The following PLCB4 variants were observed in gnomAD, a reference collection of about 807,000 sequenced individuals.
The protein encoded by PLCB4 is phospholipase C beta 4.
Under a neutral mutation model 178.8 loss-of-function variants are expected in PLCB4, and 77 were observed. The observed-to-expected ratio is 0.43, with a 90% CI of 0.36 to 0.52. PLCB4 has a LOEUF of 0.52. Among genes scored for constraint, PLCB4 ranks in the 20% least tolerant of loss-of-function variants. The probability of loss-of-function intolerance (pLI) is 0.00; values close to 1 mark genes in which losing one functional copy is unlikely to be tolerated. For missense variants in PLCB4, 1,024 were observed against 1,453.4 expected, an observed-to-expected ratio of 0.70 and a Z score of 4.80; for synonymous variants, 496 against 490.8, an observed-to-expected ratio of 1.01 and a Z score of -0.14.
chr20:9,218,857 G>A (rs1237569124), intron 3 of PLCB4, among the ~76,000 whole-genome samples: 3 of 152,188 alleles, frequency 2.0e-5, no homozygotes, highest in African/African-American at 7.2e-5. Flanking sequence ...AGAGGAGTTG[G>A]GGAGTAGGAG....
intron 34 of PLCB4, among the ~76,000 whole-genome samples, chr20:9,458,463 G>T (rs2072783915): frequency 6.6e-6 from 1 of 152,236 alleles, no homozygotes; most frequent in East Asian, 1.9e-4. Flanking sequence ...CTGTGTCAAA[G>T]AAGAGCACAT....
chr20:9,324,000 A>G (rs1056574743), intron 4 of PLCB4, among the ~76,000 whole-genome samples: 4 of 152,038 alleles, frequency 2.6e-5, no homozygotes, highest in African/African-American at 9.7e-5. Flanking sequence ...TCTCTTTCAC[A>G]GGCATTTGCC....
At chr20:9,169,929 A>C (rs2093036492) in intron 2 of PLCB4, among the ~76,000 whole-genome samples, 1 of 152,180 alleles carries the variant, frequency 6.6e-6, no homozygotes, top group Admixed American at 6.5e-5. Flanking sequence ...CTGCAGGCAT[A>C]GTTTGTATAT....
intron 2 of PLCB4, among the ~76,000 whole-genome samples, chr20:9,179,510 C>A (rs935932549): frequency 1.3e-5 from 2 of 152,192 alleles, no homozygotes; most frequent in Non-Finnish European, 2.9e-5. Context: ...ATCCATGCTG[C>A]ATTTCTGATC....
At chr20:9,428,754 G>T (rs1346130562) in intron 28 of PLCB4, among the ~76,000 whole-genome samples, 1 of 152,126 alleles carries the variant, frequency 6.6e-6, no homozygotes, top group Non-Finnish European at 1.5e-5. Context: ...CCAGGAGTGA[G>T]CACATAGGGG....
intron 3 of PLCB4, among the ~76,000 whole-genome samples, chr20:9,276,547 G>A (rs2094452142): frequency 6.6e-6 from 1 of 152,046 alleles, no homozygotes; most frequent in African/African-American, 2.4e-5. Flanking sequence ...CTTTGTGAGA[G>A]GGGGTTATTT....
chr20:9,178,700 C>T (rs1004074854), intron 2 of PLCB4, among the ~76,000 whole-genome samples: 8 of 151,664 alleles, frequency 5.3e-5, no homozygotes, highest in African/African-American at 1.9e-4. Context: ...CATTATTTCA[C>T]CCTTAGGGGC....
intron 3 of PLCB4, among the ~76,000 whole-genome samples, chr20:9,270,325 G>T (rs2094390750): frequency 6.6e-6 from 1 of 152,144 alleles, no homozygotes; most frequent in East Asian, 1.9e-4. Context: ...TCTGTTGTTT[G>T]TCTGTATTCC....
chr20:9,152,376 C>CCCAGTGTCCCT (rs2092706138), intron 2 of PLCB4, among the ~76,000 whole-genome samples: 1 of 151,894 alleles, frequency 6.6e-6, no homozygotes, highest in Non-Finnish European at 1.5e-5. Flanking sequence ...TTTCATGGGC[C>CCCAGTGTCCCT]GGGCCCAGTG....
At chr20:9,175,892 A>T (rs2093146627) in intron 2 of PLCB4, among the ~76,000 whole-genome samples, 1 of 152,146 alleles carries the variant, frequency 6.6e-6, no homozygotes, top group Admixed American at 6.5e-5. Context: ...AATGATATGG[A>T]TCCATCTTTA....
intron 2 of PLCB4, among the ~76,000 whole-genome samples, chr20:9,112,684 C>T (rs1350392682): frequency 6.6e-6 from 1 of 152,130 alleles, no homozygotes; most frequent in Non-Finnish European, 1.5e-5. Context: ...CTTATCTGGG[C>T]TAGGCCTGGA....
intron 2 of PLCB4, among the ~76,000 whole-genome samples, chr20:9,120,549 A>T (rs928142643): frequency 3.3e-5 from 5 of 151,886 alleles, no homozygotes; most frequent in Non-Finnish European, 7.4e-5. Context: ...TAGTTCCAAA[A>T]TCTCTCCCAT....
intron 4 of PLCB4, among the ~76,000 whole-genome samples, chr20:9,311,508 C>G (rs973226529): frequency 1.3e-5 from 2 of 151,992 alleles, no homozygotes; most frequent in African/African-American, 4.8e-5. Context: ...TCTTCTTTGT[C>G]CCTCTCCTCC....
chr20:9,227,168 A>G (rs1270584631), intron 3 of PLCB4, among the ~76,000 whole-genome samples: 2 of 147,944 alleles, frequency 1.4e-5, no homozygotes, highest in Non-Finnish European at 3.0e-5. Context: ...TGTTGAATTC[A>G]TTGTAAGACT....
chr20:9,261,953 C>A (rs2094301741), intron 3 of PLCB4, among the ~76,000 whole-genome samples: 1 of 152,120 alleles, frequency 6.6e-6, no homozygotes, highest in Non-Finnish European at 1.5e-5. Context: ...TTGCAGATTC[C>A]TTTTGGCTGT....
chr20:9,283,553 T>TC (rs1246456636), intron 3 of PLCB4, among the ~76,000 whole-genome samples: 4 of 151,942 alleles, frequency 2.6e-5, no homozygotes, highest in Non-Finnish European at 5.9e-5. Flanking sequence ...AGAATTCTTA[T>TC]CCTTTATGGC....
chr20:9,475,112 C>T (rs2044459651), intron 38 of PLCB4, among the ~76,000 whole-genome samples: 1 of 152,210 alleles, frequency 6.6e-6, no homozygotes, highest in African/African-American at 2.4e-5. Flanking sequence ...TTTAAAAATT[C>T]TCCCTAGAGG....
intron 2 of PLCB4, among the ~76,000 whole-genome samples, chr20:9,203,510 C>T (rs1330834326): frequency 6.6e-6 from 1 of 152,166 alleles, no homozygotes; most frequent in African/African-American, 2.4e-5. Flanking sequence ...AGATCATTTT[C>T]TCTATATGCA....
chr20:9,223,525 G>C (rs552176157), intron 3 of PLCB4, among the ~76,000 whole-genome samples: 1 of 152,316 alleles, frequency 6.6e-6, no homozygotes, highest in South Asian at 2.1e-4. Context: ...CGCTGGAAGA[G>C]CAGGCAGCTG....
Sources: allele counts gnomAD v4.1 joint callset (sites outside exome capture counted in the v4.1 genomes callset), GRCh38; gene constraint gnomAD v4.1.1; transcripts MANE v1.5; gene names NCBI Gene and HGNC (gene_info 2026-07-23, HGNC 2026-07-21).